PARP1: variants seen among roughly 807,000 people sequenced by gnomAD.
The protein encoded by PARP1 is poly [ADP-ribose] polymerase 1.
Under a neutral mutation model 118.7 loss-of-function variants are expected in PARP1, and 44 were observed. The observed-to-expected ratio is 0.37, with a 90% CI of 0.29 to 0.48. The LOEUF is 0.48. Ranked by LOEUF, PARP1 falls within the 20% of genes least tolerant of loss-of-function variation. The pLI is 0.99. For missense variants in PARP1, 1,100 were observed against 1,272.4 expected, an observed-to-expected ratio of 0.86 and a Z score of 2.06; for synonymous variants, 492 against 483.2, an observed-to-expected ratio of 1.02 and a Z score of -0.24.
intron 14 of PARP1, among the ~76,000 whole-genome samples, chr1:226,372,924 C>T (rs1351194657): frequency 1.3e-5 from 2 of 152,202 alleles, no homozygotes; most frequent in African/African-American, 4.8e-5. Context: ...ATAAGTTGTT[C>T]ACACTAGTGA....
intron 21 of PARP1, 155 bp from the exon 22 acceptor site, chr1:226,362,238 T>G (rs1664159946): frequency 3.3e-6 from 2 of 612,694 alleles, no homozygotes; most frequent in Non-Finnish European, 5.8e-6. Flanking sequence ...CAGGCCGGAG[T>G]GCAATGGTGT....
intron 22 of PARP1, 57 bp from the exon 23 acceptor site, chr1:226,361,598 G>A: frequency 8.2e-7 from 1 of 1,219,446 alleles, no homozygotes; most frequent in South Asian, 1.2e-5. Context: ...ATGTACATGT[G>A]CCTCATCTCC....
intron 1 of PARP1, among the ~76,000 whole-genome samples, chr1:226,407,321 T>C (rs1665168028): frequency 6.7e-6 from 1 of 149,196 alleles, no homozygotes; most frequent in South Asian, 2.1e-4. Context: ...AAATAAAAAA[T>C]GAGAGTGAGC....
At chr1:226,407,203 C>T (rs1172890231) in intron 1 of PARP1, among the ~76,000 whole-genome samples, 2 of 152,110 alleles carry the variant, frequency 1.3e-5, no homozygotes, top group East Asian at 3.9e-4. Context: ...GAGAACGCGT[C>T]TGTGAATCTG....
intron 2 of PARP1, among the ~76,000 whole-genome samples, chr1:226,399,785 T>C (rs1197557568): frequency 3.9e-5 from 6 of 152,120 alleles, no homozygotes; most frequent in African/African-American, 9.7e-5. Flanking sequence ...GGTGGCGATG[T>C]TGATTGTGGA....
At position 226,377,154 on chromosome 1, in the gene PARP1, G is replaced by A. The variant is rs138228205; in HGVS notation, c.1895C>T (p.Thr632Met). Residue 632 changes from threonine (T) to methionine (M), a missense_variant, in exon 13 of 23, where the codon ACG becomes ATG. Transcript: ENST00000366794. ...GGGGTAGAACTTTTTGGGATACTTC[G>A]TGAAATTTTTGGAGTGCCAAGCGTT... The part of the protein sequence containing the change: ...TGNAWHSKNF[T>M]KYPKKFYPLE... 6.3e-4 allele frequency: 1,019 copies of A among 1,614,072 alleles called. 2 individuals carry two copies. Among genetic ancestry groups the A allele is most frequent in the Non-Finnish European group, 3.8e-4 (448 of 1,179,974 alleles).
rs886582424 is a variant in PARP1 at position 226,381,197 on chromosome 1, A to G, written c.1171T>C (p.Ser391Pro). The G allele has an allele frequency of 1.2e-6, 2 of 1,614,064 alleles. No individual in the cohort carries two copies. The highest frequency in any genetic ancestry group is 1.3e-5 in the African/African-American group (1 of 74,914). The change falls in exon 9 of 23, where the codon TCC (serine) becomes CCC (proline). Residue 391 changes from serine to proline, a missense_variant. Physicochemically the swap from Ser to Pro is moderately conservative, Grantham distance 74. Around this residue, in one of 2 missense-constraint regions of PARP1, gnomAD observed 948 missense variants for 1,031.8 expected, o/e 0.92. Coordinates refer to ENST00000366794, the MANE Select transcript of PARP1 (RefSeq NM_001618.4). Reference sequence around the variant, plus strand: ...CCGAGAGTCAGGATCTTCATGTTGGATAATGGCTTATCTGGGATGAAAGGA... The same window carrying G: ...CCGAGAGTCAGGATCTTCATGTTGGGTAATGGCTTATCTGGGATGAAAGGA... ...NSSASADKPL[S>P]NMKILTLGKL...
At chr1:226,406,935 G>A (rs1665159387) in intron 1 of PARP1, among the ~76,000 whole-genome samples, 1 of 152,164 alleles carries the variant, frequency 6.6e-6, no homozygotes, top group Non-Finnish European at 1.5e-5. Flanking sequence ...CCTTGACCAT[G>A]AGCACTAAGC....
chr1:226,383,057 C>G lies in PARP1; in HGVS notation c.1138G>C (p.Val380Leu). 1 of 1,612,938 alleles carries G rather than the reference C, an allele frequency of 6.2e-7. No homozygotes were observed. ...PPSTASAPAA[V>L]NSSASADKPL... ...GTACCTGCTGAAGCAGAGGAGTTCA[C>G]AGCAGCAGGAGCCGAGGCTGTGGAG... The change falls in exon 8 of 23, where the codon GTG becomes CTG. Residue 380 changes from valine to leucine, a missense_variant. Val to Leu is a conservative substitution (Grantham distance 32). Transcript: ENST00000366794.
rs1468750069 is a variant in PARP1 at position 226,360,694 on chromosome 1, A to C, written c.*766T>G. ...GACCAGACACGCAATACACAAATAGAGAAGGCATCTGCATTTTTAATCGAG... is the reference window on the plus strand; with the variant it reads ...GACCAGACACGCAATACACAAATAGCGAAGGCATCTGCATTTTTAATCGAG... On this transcript the variant is annotated 3_prime_UTR_variant, in exon 23 of 23. Coordinates refer to ENST00000366794, the MANE Select transcript of PARP1 (RefSeq NM_001618.4). The C allele has an allele frequency of 4.6e-6, 1 of 219,140 alleles. No homozygotes were observed. Among genetic ancestry groups the C allele is most frequent in the Non-Finnish European group, 9.2e-6 (1 of 109,236 alleles). The allele number at this position is 219,140 out of a possible 1,614,324, so 13.6% of individuals were successfully genotyped here. A position where few individuals can be genotyped will look rare whatever the true frequency, so the allele number is the denominator to read the frequency against.
At chr1:226,407,719 G>T in intron 1 of PARP1, 91 bp downstream of exon 1, 1 of 1,144,700 alleles carries the variant, frequency 8.7e-7, no homozygotes, top group Non-Finnish European at 1.2e-6. Context: ...GGGCCCGCTC[G>T]CTCCCTGGGC....
intron 2 of PARP1, among the ~76,000 whole-genome samples, chr1:226,401,358 C>A (rs1665032394): frequency 6.6e-6 from 1 of 152,250 alleles, no homozygotes; most frequent in South Asian, 2.1e-4. Flanking sequence ...ACCCCACAGG[C>A]ACTGTGCTGA....
At chr1:226,379,121 G>A (rs774250961) in intron 12 of PARP1, 21 bp downstream of exon 12, 13 of 1,613,906 alleles carry the variant, frequency 8.1e-6, no homozygotes, top group Non-Finnish European at 1.1e-5. Context: ...TGCACAACCA[G>A]GCTACACCTG....
intron 8 of PARP1, among the ~76,000 whole-genome samples, chr1:226,382,303 C>A: frequency 1.3e-5 from 2 of 152,186 alleles, no homozygotes; most frequent in East Asian, 3.9e-4. Context: ...CTCACTAGTG[C>A]TGATTAGTAA....
chr1:226,366,564 T>C (rs3219134), intron 17 of PARP1: 2,554 of 155,330 alleles, frequency 0.016, 21 homozygotes, highest in Non-Finnish European at 0.027. Flanking sequence ...AGTTATGTTT[T>C]ATTTTCATAT....
intron 7 of PARP1, among the ~76,000 whole-genome samples, chr1:226,384,039 A>G (rs1309139684): frequency 1.3e-5 from 2 of 152,256 alleles, no homozygotes; most frequent in Non-Finnish European, 2.9e-5. Flanking sequence ...GAACTTTAAC[A>G]AAGGAGCTAA....
intron 7 of PARP1, among the ~76,000 whole-genome samples, chr1:226,384,001 C>T (rs1300945258): frequency 6.6e-6 from 1 of 152,202 alleles, no homozygotes; most frequent in Non-Finnish European, 1.5e-5. Context: ...GTATCTCATT[C>T]GTGACTGAGC....
chr1:226,393,228 TA>T lies in PARP1; in HGVS notation c.287-915del, dbSNP rs369794889. ...TGGAAAAGGCAAGGACACTGGTATT[TA>T]AACAGCGTTAAGATACATAAAACAC... On this transcript the variant is annotated intron_variant, in intron 2 of 22. Coordinates refer to ENST00000366794, the MANE Select transcript of PARP1 (RefSeq NM_001618.4). Among the ~76,000 whole-genome samples the T allele has an allele frequency of 3.7e-4, 57 of 152,348 alleles. No individual in the cohort carries two copies. The East Asian group carries it at 0.01, about 28-fold the overall frequency.
intron 12 of PARP1, among the ~76,000 whole-genome samples, chr1:226,377,690 G>C (rs559253779): frequency 2.6e-5 from 4 of 152,208 alleles, no homozygotes; most frequent in East Asian, 3.9e-4. Context: ...TAAAAATAAT[G>C]AAACTTTCAA....
Sources: allele counts gnomAD v4.1 joint callset (sites outside exome capture counted in the v4.1 genomes callset), GRCh38; gene constraint gnomAD v4.1.1; regional missense constraint gnomAD v4.1.1; transcripts MANE v1.5; gene names NCBI Gene and HGNC (gene_info 2026-07-23, HGNC 2026-07-21).